IARS1: variants seen among roughly 807,000 people sequenced by gnomAD.
The protein encoded by IARS1 is isoleucyl-tRNA synthetase 1.
In IARS1, 124 loss-of-function variants were observed where a neutral mutation model predicts 168.2. The observed-to-expected ratio is 0.74, with a 90% CI of 0.64 to 0.86. IARS1 has a LOEUF of 0.86. Among genes scored for constraint, IARS1 ranks in the 40% least tolerant of loss-of-function variants. IARS1 has a pLI of 0.00. For synonymous variants in IARS1, 532 were observed against 529.4 expected (o/e 1.00, Z -0.07); for missense variants, 1,452 against 1,515.8 (o/e 0.96, Z 0.70).
At chr9:92,247,272 A>G in intron 26 of IARS1, 105 bp downstream of exon 26, 1 of 1,004,868 alleles carries the variant, frequency 1.0e-6, no homozygotes, top group Non-Finnish European at 1.5e-6. Flanking sequence ...GGGACACGAC[A>G]GGACAGGAAA....
chr9:92,243,676 A>G (rs1173669255), intron 27 of IARS1, among the ~76,000 whole-genome samples: 1 of 152,184 alleles, frequency 6.6e-6, no homozygotes, highest in Non-Finnish European at 1.5e-5. Flanking sequence ...AAGCCCTTGG[A>G]GCAGCACAGC....
intron 18 of IARS1, among the ~76,000 whole-genome samples, chr9:92,259,732 G>A (rs915154007): frequency 6.6e-6 from 1 of 152,166 alleles, no homozygotes; most frequent in African/African-American, 2.4e-5. Context: ...TTCTCCAAAA[G>A]CTTTTCAATA....
In IARS1 at chr9:92,222,637, C is replaced by G. The variant is rs1839835570; in HGVS notation, c.3589G>C (p.Glu1197Gln). 6.2e-7 allele frequency: 1 copy of G among 1,614,042 alleles called. No homozygotes were observed. The highest frequency in any genetic ancestry group is 1.7e-5 in the Admixed American group (1 of 59,996). The change falls in exon 33 of 34, where the codon GAA becomes CAA. Residue 1197 changes from glutamate (E) to glutamine (Q), a missense_variant. Transcript: ENST00000443024. ...LMGTVGTLLL[E>Q]NPLGQNGLTH... ...AGTCCATTCTGCCCAAGTGGGTTTT[C>G]AAGCAGGAGAGTGCCCACTGTCCCC...
Position 92,256,764 on chromosome 9 carries a change from C to T in IARS1, c.2053G>A (p.Val685Ile), listed in dbSNP as rs761283813. 13 of 1,613,470 alleles carry T rather than the reference C, an allele frequency of 8.1e-6. No individual in the cohort carries two copies. Among genetic ancestry groups the T allele is most frequent in the Non-Finnish European group, 1.0e-5 (12 of 1,179,580 alleles). Residue 685 changes from valine (V) to isoleucine (I), a missense_variant, in exon 20 of 34, where the codon GTT (valine) becomes ATT (isoleucine). Val to Ile is a conservative substitution (Grantham distance 29). Coordinates refer to ENST00000443024, the MANE Select transcript of IARS1 (RefSeq NM_002161.6). ...EIEFLYNENT[V>I]RESPNITDRW... The stretch of plus-strand genomic sequence containing the variant: ...TCTGTAATGTTGGGGCTTTCTCTAA[C>T]CGTGTTCTCATTGTAGAGAAATTCT...
At chr9:92,262,870 C>T in intron 17 of IARS1, 99 bp downstream of exon 17, 1 of 803,484 alleles carries the variant, frequency 1.2e-6, no homozygotes, top group East Asian at 2.6e-5. Flanking sequence ...AGACAAAGCT[C>T]CACCTGTCAC....
At chr9:92,280,359 TGAGACTGG>T (rs1032185051) in intron 7 of IARS1, among the ~76,000 whole-genome samples, 1 of 152,212 alleles carries the variant, frequency 6.6e-6, no homozygotes, top group African/African-American at 2.4e-5. Flanking sequence ...AGGCCCTCGT[TGAGACTGG>T]TAACTCTCTA....
At chr9:92,286,098 T>C (rs865861102) in intron 5 of IARS1, 2 of 380,012 alleles carry the variant, frequency 5.3e-6, no homozygotes, top group Non-Finnish European at 9.7e-6. Flanking sequence ...CTGGGCGCAG[T>C]GGCTCACGTC....
chr9:92,253,933 C>T (rs10820960), intron 20 of IARS1: 150,993 of 452,554 alleles, frequency 0.33, 28,950 homozygotes, highest in African/African-American at 0.64. Context: ...AATTTTATCC[C>T]ATGGGAAACA....
intron 30 of IARS1, among the ~76,000 whole-genome samples, chr9:92,229,932 G>C (rs971832748): frequency 3.3e-5 from 5 of 152,120 alleles, no homozygotes; most frequent in Non-Finnish European, 7.3e-5. Flanking sequence ...CTGCCACCAT[G>C]AGAATCCTCG....
chr9:92,285,611 C>T (rs1200208580), intron 6 of IARS1, 111 bp downstream of exon 6: 5 of 663,348 alleles, frequency 7.5e-6, no homozygotes, highest in Middle Eastern at 2.7e-4. Flanking sequence ...TGGTGGATGT[C>T]GTGGGCAACA....
chr9:92,288,205 T>C lies in IARS1; in HGVS notation c.197A>G (p.Asp66Gly), dbSNP rs370766219. The change falls in exon 3 of 34, where the codon GAT (aspartate) becomes GGT (glycine). Residue 66 changes from aspartate to glycine, a missense_variant. Coordinates refer to ENST00000443024, the MANE Select transcript of IARS1 (RefSeq NM_002161.6). ...YGHILAGTIKDIVTRYAHQSG... is the reference protein window; with the variant it reads ...YGHILAGTIKGIVTRYAHQSG... ...CTGGTGAGCATATCTTGTAACTATA[T>C]CTTTAATTGTACCCGCAAGTATATG... 1 of 1,614,006 alleles carries C rather than the reference T, an allele frequency of 6.2e-7. No individual in the cohort carries two copies. The highest frequency in any genetic ancestry group is 8.5e-7 in the Non-Finnish European group (1 of 1,179,898).
chr9:92,277,975 C>A (rs776639123), intron 8 of IARS1, 52 bp from the exon 9 acceptor site: 3 of 1,532,148 alleles, frequency 2.0e-6, no homozygotes, highest in African/African-American at 1.4e-5. Flanking sequence ...AAATATGAGG[C>A]TGCAGCCACA....
At chr9:92,240,631 C>T in intron 30 of IARS1, 1 of 713,512 alleles carries the variant, frequency 1.4e-6, no homozygotes, top group Non-Finnish European at 2.6e-6. Context: ...TGGCCTCAAG[C>T]AATCCTCTCA....
chr9:92,291,656 T>G (rs1348506474), intron 1 of IARS1, among the ~76,000 whole-genome samples: 1 of 152,218 alleles, frequency 6.6e-6, no homozygotes, highest in Non-Finnish European at 1.5e-5. Context: ...AAATAAGTGT[T>G]TGTGCATTTA....
At chr9:92,254,701 A>C (rs1048444306) in intron 20 of IARS1, among the ~76,000 whole-genome samples, 1 of 152,202 alleles carries the variant, frequency 6.6e-6, no homozygotes. Context: ...ACCCAAATAG[A>C]ACTCCACATA....
intron 9 of IARS1, among the ~76,000 whole-genome samples, chr9:92,275,804 C>CCCTCGAT (rs1833699676): frequency 6.6e-6 from 1 of 152,226 alleles, no homozygotes; most frequent in Admixed American, 6.5e-5. Context: ...AGGTATATTT[C>CCCTCGAT]AGTGAACATC....
chr9:92,262,786 C>A (rs1831709553), intron 17 of IARS1, among the ~76,000 whole-genome samples, 183 bp downstream of exon 17: 1 of 152,220 alleles, frequency 6.6e-6, no homozygotes, highest in African/African-American at 2.4e-5. Context: ...AGCAGTAGCA[C>A]AATCTGAAAG....
Position 92,258,913 on chromosome 9 carries a change from G to A in IARS1, c.1957C>T (p.Leu653=), listed in dbSNP as rs368927977. 12 of 1,613,940 alleles carry A rather than the reference G, an allele frequency of 7.4e-6. No individual in the cohort carries two copies. Among genetic ancestry groups the A allele is most frequent in the South Asian group, 1.1e-5 (1 of 91,068 alleles). The part of the protein sequence containing the change: ...EGVRDVLKDV[L]LPWYNAYRFL... Reference sequence around the variant, plus strand: ...CGATAGGCATTGTACCATGGGAGCAGTACATCCTTAAGGACGTCCCGCACA... The same window carrying A: ...CGATAGGCATTGTACCATGGGAGCAATACATCCTTAAGGACGTCCCGCACA... The change falls in exon 19 of 34, where the codon CTG becomes TTG. Residue 653 remains leucine (L), a synonymous_variant. Transcript: ENST00000443024.
At chr9:92,257,426 T>C (rs566298752) in intron 19 of IARS1, among the ~76,000 whole-genome samples, 1 of 152,228 alleles carries the variant, frequency 6.6e-6, no homozygotes, top group Admixed American at 6.5e-5. Flanking sequence ...AGATGGGCCC[T>C]GGCTGTGGGG....
Sources: gnomAD v4.1 joint callset for allele counts (sites outside exome capture counted in the v4.1 genomes callset) on GRCh38, gnomAD v4.1.1 for gene constraint, MANE v1.5 for transcripts, NCBI Gene and HGNC (gene_info 2026-07-23, HGNC 2026-07-21) for gene names.